Variants in CCDC40 observed in about 807,000 individuals in gnomAD.
The protein encoded by CCDC40 is coiled-coil domain-containing protein 40.
In CCDC40, 104 loss-of-function variants were observed where a neutral mutation model predicts 124.5. That is an observed-to-expected ratio of 0.84 (90% CI 0.71 to 0.98). The LOEUF is 0.98. Among genes scored for constraint, CCDC40 ranks in the 50% least tolerant of loss-of-function variants. The pLI is 0.00. For synonymous variants in CCDC40, 580 were observed against 602.9 expected, an observed-to-expected ratio of 0.96 and a Z score of 0.56; for missense variants, 1,463 against 1,503.9, an observed-to-expected ratio of 0.97 and a Z score of 0.45.
At chr17:80,055,268 T>G (rs2037708802) in intron 7 of CCDC40, among the ~76,000 whole-genome samples, 1 of 152,072 alleles carries the variant, frequency 6.6e-6, no homozygotes, top group African/African-American at 2.4e-5. Flanking sequence ...GATATGGATC[T>G]GGGAATGAAA....
Position 80,087,924 on chromosome 17 carries a change from C to A in CCDC40, c.2620-87C>A. ...TTAGAAATCCAGCCTGCAGCCCTGC[C>A]CTCGGTGCCGGGATAGAGGGCACCA... is the stretch of plus-strand genomic sequence containing the variant. On this transcript the variant is annotated intron_variant, in intron 15 of 19. Transcript: ENST00000397545. The surrounding 1 kb of genome is among the most constrained non-coding windows in gnomAD (Gnocchi z 4.5). 3 of 1,299,342 alleles carry A rather than the reference C, an allele frequency of 2.3e-6. No individual in the cohort carries two copies. Among genetic ancestry groups the A allele is most frequent in the East Asian group, 2.3e-5 (1 of 43,478 alleles). 80.5% of individuals were successfully genotyped at this position (1,299,342 alleles called of 1,614,324 possible). A position where few individuals can be genotyped will look rare whatever the true frequency, so the allele number is the denominator to read the frequency against.
At chr17:80,056,016 AT>A (rs1193599741) in intron 7 of CCDC40, among the ~76,000 whole-genome samples, 2 of 10,252 alleles carry the variant, frequency 2.0e-4, no homozygotes, top group Non-Finnish European at 1.6e-4. Context: ...ATATATATAT[AT>A]TTTTTTTTTT....
At chr17:80,055,981 CATATATATATATATAT>C (rs1164782051) in intron 7 of CCDC40, among the ~76,000 whole-genome samples, 1 of 26,104 alleles carries the variant, frequency 3.8e-5, no homozygotes, top group African/African-American at 1.4e-4. Flanking sequence ...GGCTAATTTT[CATATATATATATATAT>C]ATATATATAT....
intron 7 of CCDC40, among the ~76,000 whole-genome samples, chr17:80,057,004 A>G (rs1303975677): frequency 6.8e-6 from 1 of 146,118 alleles, no homozygotes; most frequent in African/African-American, 2.6e-5. Context: ...TCACCACTGC[A>G]CTCCAGCCTG....
At position 80,088,041 on chromosome 17, in the gene CCDC40, G is replaced by A; in HGVS notation, c.2650G>A (p.Asp884Asn). 6.2e-7 allele frequency: 1 copy of A among 1,613,972 alleles called. No homozygotes were observed. The highest frequency in any genetic ancestry group is 8.5e-7 in the Non-Finnish European group (1 of 1,179,936). ...TGAGAGGGAGACCATCAAGATGCAG[G>A]ACAAGCTGAACCAGCTCAGCGAGGA... ...ASERETIKMQ[D>N]KLNQLSEEKA... The change falls in exon 16 of 20, where the codon GAC becomes AAC. Residue 884 changes from aspartate (D) to asparagine (N), a missense_variant. Physicochemically the swap from Asp to Asn is conservative, Grantham distance 23. Transcript: ENST00000397545.
intron 10 of CCDC40, among the ~76,000 whole-genome samples, chr17:80,078,130 G>C (rs903144308): frequency 3.0e-4 from 46 of 152,026 alleles, no homozygotes; most frequent in African/African-American, 1.1e-3. Flanking sequence ...AGGAGATTGA[G>C]ACCATCCTGG....
intron 10 of CCDC40, chr17:80,067,720 C>T (rs902976720): frequency 6.6e-7 from 1 of 1,523,332 alleles, no homozygotes; most frequent in Non-Finnish European, 8.8e-7. Flanking sequence ...TTTATATTGC[C>T]TATCAAGCCC....
At chr17:80,089,027 A>C (rs962318072) in intron 16 of CCDC40, among the ~76,000 whole-genome samples, 4 of 152,252 alleles carry the variant, frequency 2.6e-5, no homozygotes, top group Non-Finnish European at 4.4e-5. Flanking sequence ...AACATTTTAA[A>C]CTATACAATG....
chr17:80,081,531 G>A lies in CCDC40; in HGVS notation c.1563-15G>A, dbSNP rs752972291. On this transcript the variant is annotated splice_polypyrimidine_tract_variant and intron_variant, in intron 10 of 19. Transcript: ENST00000397545. ...GTCTCACACGTAACTGGCTCTCCCC[G>A]CTGCATTTCTACAGAGGATGCCAGC... is the stretch of plus-strand genomic sequence containing the variant. The A allele has an allele frequency of 2.8e-5, 45 of 1,613,178 alleles. No individual in the cohort carries two copies. The highest frequency in any genetic ancestry group is 2.2e-4 in the Admixed American group (13 of 60,018).
At chr17:80,067,936 C>T (rs780519287) in intron 10 of CCDC40, 94 of 1,217,876 alleles carry the variant, frequency 7.7e-5, no homozygotes, top group South Asian at 5.4e-4. Context: ...ACTATGTACA[C>T]GCACAAACAC....
chr17:80,042,078 C>T (rs1173165523), intron 3 of CCDC40, among the ~76,000 whole-genome samples: 2 of 152,122 alleles, frequency 1.3e-5, no homozygotes, highest in Non-Finnish European at 1.5e-5. Context: ...TGCTTACAAA[C>T]GTATACAGGT....
At chr17:80,071,082 G>A (rs772749574) in intron 10 of CCDC40, among the ~76,000 whole-genome samples, 2 of 152,198 alleles carry the variant, frequency 1.3e-5, no homozygotes, top group South Asian at 2.1e-4. Context: ...AGGAGCCCAC[G>A]GTCAGCCCCT....
rs1262246391 is a variant in CCDC40 at position 80,066,179 on chromosome 17, C to T, written c.1562+573C>T. ...GAAAAAGCCGGGCACTGTGGTGGCACGTGTCTCACCCGCTGAGCTTTAACT... is the reference window on the plus strand; with the variant it reads ...GAAAAAGCCGGGCACTGTGGTGGCATGTGTCTCACCCGCTGAGCTTTAACT... On this transcript the variant is annotated intron_variant, in intron 10 of 19. Coordinates refer to ENST00000397545, the MANE Select transcript of CCDC40 (RefSeq NM_017950.4). The surrounding 1 kb of genome is among the most constrained non-coding windows in gnomAD (Gnocchi z 4.4). The T allele has an allele frequency of 5.7e-6, 4 of 702,812 alleles. No individual in the cohort carries two copies. Among genetic ancestry groups the T allele is most frequent in the Non-Finnish European group, 1.0e-5 (4 of 385,004 alleles). 43.5% of individuals were successfully genotyped at this position (702,812 alleles called of 1,614,324 possible). A position where few individuals can be genotyped will look rare whatever the true frequency, so the allele number is the denominator to read the frequency against.
rs1210664459 is a variant in CCDC40 at position 80,086,894 on chromosome 17, T to C, written c.2449+678T>C. On this transcript the variant is annotated intron_variant, in intron 14 of 19. Transcript: ENST00000397545. This position sits in a 1 kb window ranked among gnomAD's most constrained non-coding sequence, Gnocchi z 5.5. The stretch of plus-strand genomic sequence containing the variant: ...TTCTTGGGTTGCCCAAACCCGTCTG[T>C]TGGTGAGTAGCAAGTCCCAAAAGAC... 6.2e-6 allele frequency: 1 copy of C among 160,144 alleles called. No homozygotes were observed. The highest frequency in any genetic ancestry group is 2.4e-5 in the African/African-American group (1 of 41,486). 9.9% of individuals were successfully genotyped at this position (160,144 alleles called of 1,614,324 possible). A position where few individuals can be genotyped will look rare whatever the true frequency, so the allele number is the denominator to read the frequency against.
intron 17 of CCDC40, among the ~76,000 whole-genome samples, chr17:80,094,722 T>C (rs1282748779): frequency 6.6e-6 from 1 of 152,018 alleles, no homozygotes; most frequent in Non-Finnish European, 1.5e-5. Context: ...CACAGTTTGG[T>C]GGGTTCTAAC....
In CCDC40 at chr17:80,089,770, G is replaced by C; in HGVS notation, c.2718G>C (p.Gln906His). Residue 906 changes from glutamine to histidine, a missense_variant, in exon 17 of 20, where the codon CAG becomes CAC. By Grantham distance (24) the Gln-to-His change is conservative. Transcript: ENST00000397545. ...GCCTCTCCTACCTCTAAAGACACCA[G>C]ATTATGCTTTGGGAGAAAAAAATCC... Reference protein sequence around the residue: ...LLNQLVEAEHQIMLWEKKIQL... With the variant: ...LLNQLVEAEHHIMLWEKKIQL... The C allele has an allele frequency of 1.2e-6, 2 of 1,614,244 alleles. No individual in the cohort carries two copies. Among genetic ancestry groups the C allele is most frequent in the South Asian group, 2.2e-5 (2 of 91,082 alleles).
chr17:80,049,846 C>A (rs1186631970), intron 5 of CCDC40, 60 bp from the exon 6 acceptor site: 1 of 1,486,374 alleles, frequency 6.7e-7, no homozygotes, highest in Non-Finnish European at 9.4e-7. Flanking sequence ...TGGGCTGAGC[C>A]CTGGGTCGGG....
At chr17:80,094,000 T>G (rs900197893) in intron 17 of CCDC40, among the ~76,000 whole-genome samples, 3 of 152,196 alleles carry the variant, frequency 2.0e-5, no homozygotes, top group Non-Finnish European at 4.4e-5. Context: ...ATGGTACATT[T>G]TAAACCTGAG....
At chr17:80,061,692 A>G (rs1263388559) in intron 9 of CCDC40, among the ~76,000 whole-genome samples, 1 of 152,222 alleles carries the variant, frequency 6.6e-6, no homozygotes, top group South Asian at 2.1e-4. Context: ...GCCCCTGTTC[A>G]TCGAGCGAAG....
Sources: gnomAD v4.1 joint callset for allele counts (sites outside exome capture counted in the v4.1 genomes callset) on GRCh38, gnomAD v4.1.1 for gene constraint, Gnocchi (gnomAD v3.1) non-coding constraint, MANE v1.5 for transcripts, NCBI Gene and HGNC (gene_info 2026-07-23, HGNC 2026-07-21) for gene names.